KHDRBS2: variants seen among roughly 807,000 people sequenced by gnomAD.
KHDRBS2 encodes KH domain-containing, RNA-binding, signal transduction-associated protein 2.
A neutral mutation model predicts 44.3 loss-of-function variants in KHDRBS2; 26 were observed. That is an observed-to-expected ratio of 0.59 (90% CI 0.43 to 0.81). KHDRBS2 has a LOEUF of 0.81. KHDRBS2 is among the 40% of genes least tolerant of loss of function. The pLI is 0.00. For missense variants in KHDRBS2, 476 were observed against 433.1 expected, an observed-to-expected ratio of 1.10 and a Z score of -0.88; for synonymous variants, 194 against 151.1, an observed-to-expected ratio of 1.28 and a Z score of -2.08.
chr6:62,281,344 G>A (rs533595414), intron 1 of KHDRBS2, among the ~76,000 whole-genome samples: 4 of 151,894 alleles, frequency 2.6e-5, no homozygotes, highest in Non-Finnish European at 4.4e-5. Context: ...ATTATTGGCC[G>A]GGCACAGTGG....
At chr6:61,860,871 G>C (rs538743315) in intron 6 of KHDRBS2, among the ~76,000 whole-genome samples, 1 of 151,822 alleles carries the variant, frequency 6.6e-6, no homozygotes, top group Non-Finnish European at 1.5e-5. Flanking sequence ...CCACAATCTC[G>C]ACAGCATCTG....
At chr6:61,869,987 T>TTC (rs1554252174) in intron 6 of KHDRBS2, among the ~76,000 whole-genome samples, 6 of 149,336 alleles carry the variant, frequency 4.0e-5, no homozygotes, top group Middle Eastern at 3.4e-3. Flanking sequence ...TTTTTTTTTT[T>TTC]CCCCATACTA....
intron 4 of KHDRBS2, among the ~76,000 whole-genome samples, chr6:61,955,500 GTATATATACACATA>G (rs1328286685): frequency 1.8e-4 from 11 of 60,142 alleles, no homozygotes; most frequent in African/African-American, 4.5e-4. Context: ...GTATACATGT[GTATATATACACATA>G]TGTATGTATG....
chr6:61,825,479 T>C (rs150144213), intron 6 of KHDRBS2, among the ~76,000 whole-genome samples: 30 of 152,272 alleles, frequency 2.0e-4, no homozygotes, highest in Non-Finnish European at 3.7e-4. Flanking sequence ...ACACCAAAAT[T>C]ATCCTAAATA....
chr6:61,940,328 T>C (rs1435905809), intron 4 of KHDRBS2, among the ~76,000 whole-genome samples: 2 of 152,054 alleles, frequency 1.3e-5, no homozygotes, highest in African/African-American at 4.8e-5. Context: ...CTTCCCAATA[T>C]GGGGAAAAGG....
At chr6:61,844,216 T>C (rs1474650019) in intron 6 of KHDRBS2, among the ~76,000 whole-genome samples, 1 of 152,152 alleles carries the variant, frequency 6.6e-6, no homozygotes, top group Non-Finnish European at 1.5e-5. Flanking sequence ...CCTGGGACTA[T>C]AAAAATAAGC....
At chr6:61,569,506 A>G in the KHDRBS2 span, among the ~76,000 whole-genome samples, 1 of 152,172 alleles carries the variant, frequency 6.6e-6, no homozygotes, top group African/African-American at 2.4e-5. Context: ...AACTCATGAC[A>G]GACTAACCCT....
At chr6:61,756,374 C>A (rs1353897574) in intron 6 of KHDRBS2, among the ~76,000 whole-genome samples, 1 of 152,032 alleles carries the variant, frequency 6.6e-6, no homozygotes, top group Non-Finnish European at 1.5e-5. Flanking sequence ...GATTCTCCTG[C>A]CTCAGCCTCC....
the KHDRBS2 span, among the ~76,000 whole-genome samples, chr6:61,620,270 A>G: frequency 6.6e-6 from 1 of 152,216 alleles, no homozygotes; most frequent in South Asian, 2.1e-4. Context: ...TTAATCTACC[A>G]GTGACCTTTA....
chr6:61,891,919 G>A (rs1801917981), intron 6 of KHDRBS2, among the ~76,000 whole-genome samples: 1 of 152,070 alleles, frequency 6.6e-6, no homozygotes, highest in African/African-American at 2.4e-5. Flanking sequence ...GGAAGGAGAA[G>A]GAAATAAAGG....
chr6:61,632,419 G>A, the KHDRBS2 span, among the ~76,000 whole-genome samples: 1 of 152,018 alleles, frequency 6.6e-6, no homozygotes, highest in East Asian at 1.9e-4. Flanking sequence ...AATACTTCAT[G>A]AATTAGAATG....
chr6:62,057,278 A>T (rs1195159322), intron 2 of KHDRBS2, among the ~76,000 whole-genome samples: 2 of 151,910 alleles, frequency 1.3e-5, no homozygotes, highest in Non-Finnish European at 2.9e-5. Flanking sequence ...GTTTTTGGAG[A>T]CAACACTCTG....
At chr6:61,702,514 A>T (rs1156640291) in intron 7 of KHDRBS2, among the ~76,000 whole-genome samples, 2 of 152,008 alleles carry the variant, frequency 1.3e-5, no homozygotes, top group African/African-American at 2.4e-5. Flanking sequence ...AATTAATACA[A>T]TCCCCTGAAG....
At chr6:61,563,872 G>T in the KHDRBS2 span, among the ~76,000 whole-genome samples, 1 of 152,066 alleles carries the variant, frequency 6.6e-6, no homozygotes, top group Non-Finnish European at 1.5e-5. Flanking sequence ...AAGGTCATTT[G>T]CACTTAAATA....
chr6:61,720,547 C>A (rs1316113849), intron 7 of KHDRBS2, among the ~76,000 whole-genome samples: 1 of 152,122 alleles, frequency 6.6e-6, no homozygotes, highest in Non-Finnish European at 1.5e-5. Flanking sequence ...AACATTTTTT[C>A]ATGTGTTTTT....
chr6:62,108,786 G>T (rs966287587), intron 2 of KHDRBS2, among the ~76,000 whole-genome samples: 4 of 152,148 alleles, frequency 2.6e-5, no homozygotes, highest in Admixed American at 6.5e-5. Context: ...ATGAGTTCAT[G>T]TCCTTTGTAG....
At chr6:61,555,272 A>T in the KHDRBS2 span, among the ~76,000 whole-genome samples, 1 of 152,128 alleles carries the variant, frequency 6.6e-6, no homozygotes, top group Non-Finnish European at 1.5e-5. Context: ...GAGCTCTGAG[A>T]TGCTTTCCTC....
chr6:61,637,405 T>C, the KHDRBS2 span, among the ~76,000 whole-genome samples: 1 of 152,198 alleles, frequency 6.6e-6, no homozygotes, highest in African/African-American at 2.4e-5. Context: ...GGTGTATATG[T>C]GCCACATTTT....
At chr6:61,582,411 TC>T in the KHDRBS2 span, among the ~76,000 whole-genome samples, 25,953 of 151,450 alleles carry the variant, frequency 0.17, 2,445 homozygotes, top group East Asian at 0.29. Context: ...CTATAAAAAT[TC>T]CTAAATTTAA....
Sources: allele counts gnomAD v4.1 joint callset (sites outside exome capture counted in the v4.1 genomes callset), GRCh38; gene constraint gnomAD v4.1.1; transcripts MANE v1.5; gene names NCBI Gene and HGNC (gene_info 2026-07-23, HGNC 2026-07-21).